TRMT11: variants seen among roughly 807,000 people sequenced by gnomAD.
TRMT11 encodes tRNA methyltransferase 11.
A neutral mutation model predicts 62.8 loss-of-function variants in TRMT11; 53 were observed. The observed-to-expected ratio is 0.84, with a 90% CI of 0.68 to 1.06. The LOEUF is 1.06. TRMT11 is among the 50% of genes least tolerant of loss of function. TRMT11 has a pLI of 0.00. For synonymous variants in TRMT11, 188 were observed against 190.3 expected, an observed-to-expected ratio of 0.99 and a Z score of 0.10; for missense variants, 556 against 553.4, an observed-to-expected ratio of 1.00 and a Z score of -0.05.
At chr6:125,994,688 C>G (rs1791193459) in intron 2 of TRMT11, among the ~76,000 whole-genome samples, 1 of 152,032 alleles carries the variant, frequency 6.6e-6, no homozygotes. Flanking sequence ...TTCACAATAG[C>G]AAAGCATAGA....
intron 1 of TRMT11, among the ~76,000 whole-genome samples, chr6:126,195,239 G>A (rs146913068): frequency 6.6e-6 from 1 of 152,284 alleles, no homozygotes; most frequent in Admixed American, 6.5e-5. Flanking sequence ...ATTTTCAATG[G>A]AAGCAAAAGA....
At chr6:126,224,653 G>T in the TRMT11 span, among the ~76,000 whole-genome samples, 2 of 151,678 alleles carry the variant, frequency 1.3e-5, no homozygotes, top group African/African-American at 4.9e-5. Context: ...CCGCAGCAGG[G>T]TCCACACACA....
At chr6:126,062,213 G>A (rs780121833) in intron 17 of TRMT11, among the ~76,000 whole-genome samples, 6 of 152,126 alleles carry the variant, frequency 3.9e-5, no homozygotes, top group Non-Finnish European at 7.4e-5. Flanking sequence ...TTTGCCTAAG[G>A]CAACCAGGAT....
chr6:126,213,464 T>G, the TRMT11 span, among the ~76,000 whole-genome samples: 6 of 151,950 alleles, frequency 3.9e-5, no homozygotes, highest in African/African-American at 1.4e-4. Flanking sequence ...TACTCACTTC[T>G]TTGGTTAAGT....
intron 17 of TRMT11, among the ~76,000 whole-genome samples, chr6:126,104,529 G>A (rs548933955): frequency 6.6e-6 from 1 of 152,170 alleles, no homozygotes; most frequent in Admixed American, 6.5e-5. Flanking sequence ...TGGCTCAGTG[G>A]GCCTGTCCCC....
chr6:126,071,640 A>G (rs1287987439), intron 17 of TRMT11, among the ~76,000 whole-genome samples: 2 of 151,804 alleles, frequency 1.3e-5, no homozygotes, highest in Admixed American at 6.6e-5. Context: ...CGAGAGAGTA[A>G]ATGGGTTTGC....
rs116432400 is a variant in TRMT11 at position 126,186,152 on chromosome 6, C to T, written n.143+8817C>T. On this transcript the variant is annotated intron_variant and non_coding_transcript_variant, in intron 1 of 3. Coordinates refer to the TRMT11 transcript ENST00000444229. ...GCTCTATAATTTTCTTGTCAGAGCA[C>T]AAAGGTCTTTCATAGCTTACCAAAT... Among the ~76,000 whole-genome samples, 429 of 152,256 alleles carry T rather than the reference C, an allele frequency of 2.8e-3. 5 individuals are homozygous for T. Among genetic ancestry groups the T allele is most frequent in the African/African-American group, 9.8e-3 (409 of 41,560 alleles).
downstream of TRMT11, among the ~76,000 whole-genome samples, chr6:126,041,360 A>G (rs1775874769): frequency 6.6e-6 from 1 of 152,148 alleles, no homozygotes; most frequent in Admixed American, 6.6e-5. Context: ...TAAATTAAAG[A>G]AGCAGGGATT....
In TRMT11 at chr6:125,998,359, G is replaced by A. The variant is rs757509577; in HGVS notation, c.387+44G>A. 17 of 1,382,556 alleles carry A rather than the reference G, an allele frequency of 1.2e-5. No individual in the cohort carries two copies. The African/African-American group carries it at 2.3e-4, about 19-fold the overall frequency. 85.6% of individuals were successfully genotyped at this position (1,382,556 alleles called of 1,614,324 possible). Reference sequence around the variant, plus strand: ...ACAAAAAACCTACATGATGAATGCAGTCTGGCCATTGTTGATATATAGGAA... The same window carrying A: ...ACAAAAAACCTACATGATGAATGCAATCTGGCCATTGTTGATATATAGGAA... On this transcript the variant is annotated intron_variant, in intron 5 of 12. Transcript: ENST00000334379.
At chr6:126,062,025 A>G (rs1376358671) in intron 17 of TRMT11, among the ~76,000 whole-genome samples, 1 of 152,176 alleles carries the variant, frequency 6.6e-6, no homozygotes, top group African/African-American at 2.4e-5. Flanking sequence ...GACTACAGGT[A>G]CACGCTGCCA....
At chr6:126,111,936 C>T (rs535346382) in intron 17 of TRMT11, among the ~76,000 whole-genome samples, 2 of 151,200 alleles carry the variant, frequency 1.3e-5, no homozygotes, top group South Asian at 2.1e-4. Context: ...TGAGGTGATA[C>T]AATATGGCAC....
At chr6:126,112,776 C>G (rs577546487) in intron 17 of TRMT11, among the ~76,000 whole-genome samples, 1 of 152,158 alleles carries the variant, frequency 6.6e-6, no homozygotes, top group South Asian at 2.1e-4. Context: ...CTATGTTCCT[C>G]TACTTCATTG....
At chr6:126,260,696 A>G in the TRMT11 span, among the ~76,000 whole-genome samples, 5 of 152,144 alleles carry the variant, frequency 3.3e-5, no homozygotes, top group African/African-American at 1.2e-4. Context: ...TGTGTTGGAT[A>G]TAGTATTCTT....
intron 21 of TRMT11, among the ~76,000 whole-genome samples, chr6:126,136,147 C>A (rs1368378249): frequency 6.6e-6 from 1 of 151,266 alleles, no homozygotes; most frequent in East Asian, 1.9e-4. Context: ...AGCAATTAGG[C>A]AAGAGAAAGA....
At chr6:126,095,271 C>G (rs149323667) in intron 17 of TRMT11, among the ~76,000 whole-genome samples, 133 of 152,236 alleles carry the variant, frequency 8.7e-4, no homozygotes, top group African/African-American at 3.0e-3. Context: ...GACAGGTAAC[C>G]TGAGGAGTAC....
chr6:126,009,500 A>G (rs553780087), intron 8 of TRMT11: 4 of 152,122 alleles, frequency 2.6e-5, no homozygotes, highest in East Asian at 3.9e-4. Context: ...ATTCATTATA[A>G]TAACTGGGAT....
chr6:126,155,596 T>A (rs1306697421), intron 21 of TRMT11, among the ~76,000 whole-genome samples: 2 of 152,218 alleles, frequency 1.3e-5, no homozygotes, highest in Non-Finnish European at 2.9e-5. Context: ...AACAAGTTAT[T>A]TGCTCCCAAG....
At chr6:126,130,795 C>T (rs1322336172) in intron 21 of TRMT11, among the ~76,000 whole-genome samples, 1 of 152,080 alleles carries the variant, frequency 6.6e-6, no homozygotes, top group Non-Finnish European at 1.5e-5. Flanking sequence ...CTTCACATGC[C>T]ATCCAACTCC....
chr6:126,200,656 G>A (rs1227729691), intron 3 of TRMT11, among the ~76,000 whole-genome samples: 2 of 152,250 alleles, frequency 1.3e-5, no homozygotes, highest in African/African-American at 2.4e-5. Context: ...TTGGGTTCAC[G>A]ACATTCTCCT....
Sources: allele counts gnomAD v4.1 joint callset (sites outside exome capture counted in the v4.1 genomes callset), GRCh38; gene constraint gnomAD v4.1.1; transcripts MANE v1.5; gene names NCBI Gene and HGNC (gene_info 2026-07-23, HGNC 2026-07-21).